TMEM45B: variants seen among roughly 807,000 people sequenced by gnomAD.
TMEM45B encodes transmembrane protein 45B.
Under a neutral mutation model 27.3 loss-of-function variants are expected in TMEM45B, and 29 were observed. The observed-to-expected ratio is 1.06, with a 90% CI of 0.79 to 1.45. The LOEUF is 1.45. Ranked by LOEUF, TMEM45B falls within the 40% of genes most tolerant of loss-of-function variation. The pLI is 0.00. For synonymous variants in TMEM45B, 143 were observed against 134.7 expected, an observed-to-expected ratio of 1.06 and a Z score of -0.43; for missense variants, 348 against 343.9, an observed-to-expected ratio of 1.01 and a Z score of -0.09.
intron 1 of TMEM45B, among the ~76,000 whole-genome samples, chr11:129,848,438 G>A (rs1310713429): frequency 6.6e-6 from 1 of 152,258 alleles, no homozygotes; most frequent in Non-Finnish European, 1.5e-5. Flanking sequence ...AGGCAGGGAG[G>A]TTGCAGTGAG....
Position 129,855,900 on chromosome 11 carries a change from T to A in TMEM45B, c.570+8T>A. The A allele has an allele frequency of 6.2e-7, 1 of 1,613,878 alleles. No individual in the cohort carries two copies. The stretch of plus-strand genomic sequence containing the variant: ...GGAACCTGGTTCTGGCAGGTGATTT[T>A]CCACACCCAGGCCCCTCGCTGGTCT... On this transcript the variant is annotated splice_region_variant and intron_variant, in intron 4 of 5. Coordinates refer to ENST00000281441, the MANE Select transcript of TMEM45B (RefSeq NM_138788.5).
intron 1 of TMEM45B, among the ~76,000 whole-genome samples, chr11:129,836,162 T>C (rs1243207400): frequency 6.6e-6 from 1 of 150,598 alleles, no homozygotes; most frequent in Non-Finnish European, 1.5e-5. Context: ...CCTACCAGGT[T>C]CCAGGACAGG....
chr11:129,852,184 T>C (rs1565372690), intron 1 of TMEM45B, among the ~76,000 whole-genome samples: 1 of 152,188 alleles, frequency 6.6e-6, no homozygotes, highest in Non-Finnish European at 1.5e-5. Flanking sequence ...GGAAGTTTTC[T>C]CTATCTGAGA....
At chr11:129,846,598 A>G (rs1350471356) in intron 1 of TMEM45B, among the ~76,000 whole-genome samples, 1 of 152,246 alleles carries the variant, frequency 6.6e-6, no homozygotes, top group Admixed American at 6.5e-5. Flanking sequence ...ACTAACCACA[A>G]TAAGCAAATA....
intron 1 of TMEM45B, among the ~76,000 whole-genome samples, chr11:129,844,725 AT>A (rs1406516007): frequency 6.6e-6 from 1 of 152,186 alleles, no homozygotes; most frequent in Non-Finnish European, 1.5e-5. Context: ...TATATTTGAC[AT>A]TTGCTAAGAG....
Position 129,826,567 on chromosome 11 carries a change from A to AAAAAAAGAAAAAGAAAAAT in TMEM45B, c.-9+10670_-9+10671insAAAAAGAAAAAGAAAAATA, listed in dbSNP as rs1199881268. On this transcript the variant is annotated intron_variant, in intron 1 of 5. Transcript: ENST00000281441. Reference sequence around the variant, plus strand: ...CTGTCACAAAAAAAAAAAAAAAAAAAAGGACCCTGAGAGGCTATGTGTCTT... The same window carrying AAAAAAAGAAAAAGAAAAAT: ...CTGTCACAAAAAAAAAAAAAAAAAAAAAAAAAGAAAAAGAAAAATAGGACCCTGAGAGGCTATGTGTCTT... Among the ~76,000 whole-genome samples the AAAAAAAGAAAAAGAAAAAT allele has an allele frequency of 3.1e-5, 3 of 96,122 alleles. No homozygotes were observed. In the Admixed American group the frequency reaches 3.9e-4, roughly 13 times the overall value. The allele number at this position is 96,122 out of a possible 152,430, so 63.1% of individuals were successfully genotyped here. A position where few individuals can be genotyped will look rare whatever the true frequency, so the allele number is the denominator to read the frequency against.
rs1233187039 is a variant in TMEM45B, at chr11:129,841,144, G to T, written c.-8-11331G>T. Among the ~76,000 whole-genome samples, 4 of 151,958 alleles carry T rather than the reference G, an allele frequency of 2.6e-5. No individual in the cohort carries two copies. In the East Asian group the frequency reaches 7.7e-4, roughly 29 times the overall value. On this transcript the variant is annotated intron_variant, in intron 1 of 5. Transcript: ENST00000281441. ...ATGGTGGCTTTTTTTGCCTGTGGCT[G>T]CTCCCATCACCCCCCAGCTCAGCCA...
At chr11:129,846,654 A>G (rs1947764577) in intron 1 of TMEM45B, among the ~76,000 whole-genome samples, 1 of 152,168 alleles carries the variant, frequency 6.6e-6, no homozygotes. Context: ...GTGGATGATG[A>G]CAGATGCTTA....
intron 1 of TMEM45B, among the ~76,000 whole-genome samples, chr11:129,822,598 T>A (rs1418115815): frequency 6.6e-6 from 1 of 152,220 alleles, no homozygotes. Flanking sequence ...GTATTTATTA[T>A]GTCATCTGCT....
At chr11:129,857,210 G>A in intron 4 of TMEM45B, 103 bp from the exon 5 acceptor site, 2 of 1,344,154 alleles carry the variant, frequency 1.5e-6, no homozygotes, top group Middle Eastern at 2.1e-4. Flanking sequence ...GGAACTATGA[G>A]GCGGTGGTCA....
rs574624336 is a variant in TMEM45B, at chr11:129,836,742, T to C, written c.-8-15733T>C. On this transcript the variant is annotated intron_variant, in intron 1 of 5. Transcript: ENST00000281441. Reference sequence around the variant, plus strand: ...AGGCCTCCAGAACTGAGAATATAAATGGTTGTTTAATCTGCCCAGTGTGTG... The same window carrying C: ...AGGCCTCCAGAACTGAGAATATAAACGGTTGTTTAATCTGCCCAGTGTGTG... Among the ~76,000 whole-genome samples, 3 of 152,170 alleles carry C rather than the reference T, an allele frequency of 2.0e-5. No individual in the cohort carries two copies. In the South Asian group the frequency reaches 6.2e-4, roughly 32 times the overall value.
Position 129,858,589 on chromosome 11 carries a change from G to A in TMEM45B, c.732G>A (p.Met244Ile). 1 of 1,586,246 alleles carries A rather than the reference G, an allele frequency of 6.3e-7. No homozygotes were observed. Among genetic ancestry groups the A allele is most frequent in the Non-Finnish European group, 8.6e-7 (1 of 1,165,146 alleles). ...TCTATTAAAGCCTTTTGACTCGGAT[G>A]AAGAGACACGGAAGGGGAGAAATCA... Reference protein sequence around the residue: ...YSLVYCLLTRMKRHGRGEIIG... With the variant: ...YSLVYCLLTRIKRHGRGEIIG... The change falls in exon 6 of 6, where the codon ATG becomes ATA. Residue 244 changes from methionine to isoleucine, a missense_variant. Physicochemically the swap from Met to Ile is conservative, Grantham distance 10. Coordinates refer to ENST00000281441, the MANE Select transcript of TMEM45B (RefSeq NM_138788.5).
At chr11:129,819,119 G>T (rs1947387142) in intron 1 of TMEM45B, among the ~76,000 whole-genome samples, 1 of 152,304 alleles carries the variant, frequency 6.6e-6, no homozygotes, top group Admixed American at 6.5e-5. Flanking sequence ...AGTGGCTAAA[G>T]TTCTAACTTC....
At chr11:129,836,861 G>A (rs899619742) in intron 1 of TMEM45B, among the ~76,000 whole-genome samples, 3 of 152,308 alleles carry the variant, frequency 2.0e-5, no homozygotes, top group Admixed American at 6.5e-5. Context: ...GGTGATTCAT[G>A]CTTACAACAT....
intron 1 of TMEM45B, among the ~76,000 whole-genome samples, chr11:129,821,111 A>G (rs1947414488): frequency 6.6e-6 from 1 of 152,172 alleles, no homozygotes; most frequent in Admixed American, 6.6e-5. Flanking sequence ...ACTAAGGCAC[A>G]TGATACACCA....
chr11:129,820,330 T>C (rs192151195), intron 1 of TMEM45B, among the ~76,000 whole-genome samples: 68 of 152,044 alleles, frequency 4.5e-4, no homozygotes, highest in Non-Finnish European at 9.0e-4. Context: ...AAAATAATAA[T>C]AACAACAAAA....
intron 1 of TMEM45B, among the ~76,000 whole-genome samples, chr11:129,821,798 C>A (rs1321002772): frequency 6.7e-6 from 1 of 148,780 alleles, no homozygotes; most frequent in Non-Finnish European, 1.5e-5. Context: ...GTAGGGTTTT[C>A]TTTATTGTTC....
chr11:129,852,105 T>C lies in TMEM45B; in HGVS notation c.-8-370T>C, dbSNP rs192117171. On this transcript the variant is annotated intron_variant, in intron 1 of 5. Coordinates refer to ENST00000281441, the MANE Select transcript of TMEM45B (RefSeq NM_138788.5). ...TTTGTTGTTTACCTTTTGATGTTCT[T>C]GATATTAAAAGATGCTTATATAGCT... is the stretch of plus-strand genomic sequence containing the variant. Among the ~76,000 whole-genome samples the C allele has an allele frequency of 3.4e-3, 511 of 152,364 alleles. 5 individuals are homozygous for C. Among genetic ancestry groups the C allele is most frequent in the African/African-American group, 0.012 (485 of 41,584 alleles).
At chr11:129,835,327 A>G (rs1947607117) in intron 1 of TMEM45B, among the ~76,000 whole-genome samples, 1 of 152,212 alleles carries the variant, frequency 6.6e-6, no homozygotes, top group South Asian at 2.1e-4. Context: ...CCAACTCAGC[A>G]AGTCGGGAAC....
Sources: gnomAD v4.1 joint callset for allele counts (sites outside exome capture counted in the v4.1 genomes callset) on GRCh38, gnomAD v4.1.1 for gene constraint, MANE v1.5 for transcripts, NCBI Gene and HGNC (gene_info 2026-07-23, HGNC 2026-07-21) for gene names.